Variants in MOK observed in about 807,000 individuals in gnomAD.
MOK encodes the protein MOK protein kinase.
Under a neutral mutation model 54.2 loss-of-function variants are expected in MOK, and 59 were observed. That is an observed-to-expected ratio of 1.09 (90% CI 0.88 to 1.35). The LOEUF (loss-of-function observed/expected upper bound fraction) is 1.35, where lower values mean the gene tolerates loss of function less well. Ranked by LOEUF, MOK falls within the 40% of genes most tolerant of loss-of-function variation. MOK has a pLI of 0.00. For missense variants in MOK, 517 were observed against 526.2 expected, an observed-to-expected ratio of 0.98 and a Z score of 0.17; for synonymous variants, 210 against 202.7, an observed-to-expected ratio of 1.04 and a Z score of -0.31.
chr14:102,296,021 C>A (rs1381868572), intron 1 of MOK, among the ~76,000 whole-genome samples: 3 of 151,856 alleles, frequency 2.0e-5, no homozygotes, highest in Non-Finnish European at 4.4e-5. Context: ...CAAGACGGGT[C>A]GATCACCTGA....
At chr14:102,303,432 A>G (rs1824143964) in intron 1 of MOK, among the ~76,000 whole-genome samples, 1 of 152,232 alleles carries the variant, frequency 6.6e-6, no homozygotes, top group African/African-American at 2.4e-5. Context: ...GAGGACAGCC[A>G]AATAAAAATG....
intron 7 of MOK, among the ~76,000 whole-genome samples, chr14:102,234,684 T>C (rs1472595815): frequency 6.6e-6 from 1 of 152,164 alleles, no homozygotes; most frequent in African/African-American, 2.4e-5. Context: ...CTGTATACTC[T>C]TGGCCTCCGT....
rs1367713545 is a variant in MOK at position 102,244,627 on chromosome 14, CCT to C, written c.590+6183_590+6184del. Among the ~76,000 whole-genome samples, 6 of 152,158 alleles carry C rather than the reference CCT, an allele frequency of 3.9e-5. No individual in the cohort carries two copies. The South Asian group carries it at 6.2e-4, about 16-fold the overall frequency. On this transcript the variant is annotated intron_variant, in intron 7 of 11. Transcript: ENST00000361847. ...TGGCAAATTGACTTTACTCACATGCCCTGAGTCAGGAAACTAAAATACGTCTC... is the reference window on the plus strand; with the variant it reads ...TGGCAAATTGACTTTACTCACATGCCGAGTCAGGAAACTAAAATACGTCTC...
chr14:102,263,881 T>C (rs1327153171), intron 3 of MOK: 1 of 300,170 alleles, frequency 3.3e-6, no homozygotes, highest in African/African-American at 2.2e-5. Context: ...TAATTAATTA[T>C]CAGCAGAAAG....
chr14:102,278,926 C>T (rs1440485807), intron 2 of MOK, among the ~76,000 whole-genome samples: 1 of 152,192 alleles, frequency 6.6e-6, no homozygotes, highest in Non-Finnish European at 1.5e-5. Context: ...TTACGGTGTG[C>T]CAGCACTGCA....
At chr14:102,269,235 G>A (rs2068156505) in intron 2 of MOK, among the ~76,000 whole-genome samples, 1 of 150,486 alleles carries the variant, frequency 6.6e-6, no homozygotes, top group Admixed American at 6.6e-5. Flanking sequence ...CATTCAGGCT[G>A]GAGTGCAGTG....
intron 4 of MOK, among the ~76,000 whole-genome samples, chr14:102,254,787 C>T (rs993123059): frequency 2.0e-5 from 3 of 152,236 alleles, no homozygotes; most frequent in African/African-American, 4.8e-5. Flanking sequence ...CCACCACCCC[C>T]TTCTTGTTTA....
At position 102,251,965 on chromosome 14, in the gene MOK, A is replaced by AT. The variant is rs753079987; in HGVS notation, c.313dup (p.Ile105AsnfsTer10). ...ACATAACTGGTACATATAGTGCATA[A>AT]TTTTTTTTTCTGATAATGGGTATCT... On this transcript the variant is annotated frameshift_variant, in exon 5 of 12. Transcript: ENST00000361847. LOFTEE classifies it high-confidence loss of function. 328 of 1,596,948 alleles carry AT rather than the reference A, an allele frequency of 2.1e-4. No homozygotes were observed. Among genetic ancestry groups the AT allele is most frequent in the East Asian group, 2.0e-3 (91 of 44,512 alleles).
chr14:102,279,877 G>A (rs530518533), intron 2 of MOK, among the ~76,000 whole-genome samples: 14 of 151,778 alleles, frequency 9.2e-5, no homozygotes, highest in African/African-American at 2.9e-4. Flanking sequence ...AAAGCCATCC[G>A]TTTCTATTTG....
intron 2 of MOK, among the ~76,000 whole-genome samples, chr14:102,266,852 CA>C: frequency 6.6e-6 from 1 of 152,150 alleles, no homozygotes; most frequent in Non-Finnish European, 1.5e-5. Context: ...AAAGTGCGGG[CA>C]TTACAGGTGT....
At chr14:102,261,903 G>GAA (rs1178530836) in intron 4 of MOK, among the ~76,000 whole-genome samples, 9 of 150,630 alleles carry the variant, frequency 6.0e-5, no homozygotes, top group Middle Eastern at 3.4e-3. Context: ...GAGTGCAGTG[G>GAA]CATGATCTTG....
intron 1 of MOK, among the ~76,000 whole-genome samples, chr14:102,304,493 A>C (rs1055526057): frequency 6.6e-6 from 1 of 152,228 alleles, no homozygotes; most frequent in Admixed American, 6.5e-5. Context: ...AAAATAAAGC[A>C]CACAGCCCAG....
chr14:102,294,616 CTCAAAAAGAAAAAAAAAAGAA>C (rs891760151), intron 1 of MOK, among the ~76,000 whole-genome samples: 1 of 150,882 alleles, frequency 6.6e-6, no homozygotes, highest in African/African-American at 2.4e-5. Context: ...GAGACCTTGT[CTCAAAAAGAAAAAAAAAAGAA>C]AATCAAAGGA....
At chr14:102,298,921 A>G (rs1226616343) in intron 1 of MOK, among the ~76,000 whole-genome samples, 3 of 152,050 alleles carry the variant, frequency 2.0e-5, no homozygotes, top group African/African-American at 4.8e-5. Context: ...GAGCGATAAC[A>G]CTCACCGCGA....
rs1355661147 is a variant in MOK at position 102,230,008 on chromosome 14, G to C, written c.982-351C>G. 3.7e-6 allele frequency: 1 copy of C among 273,604 alleles called. No homozygotes were observed. The highest frequency in any genetic ancestry group is 7.6e-5 in the East Asian group (1 of 13,158). 16.9% of individuals were successfully genotyped at this position (273,604 alleles called of 1,614,324 possible). On this transcript the variant is annotated intron_variant, in intron 10 of 11. Transcript: ENST00000361847. The surrounding 1 kb of genome is among the most constrained non-coding windows in gnomAD (Gnocchi z 4.1). The stretch of plus-strand genomic sequence containing the variant: ...TGTCGCCTGGTTTTGGGTGGCTTGT[G>C]AGCTAAGGATGGTTTTACATTTGGG...
intron 2 of MOK, among the ~76,000 whole-genome samples, chr14:102,270,822 G>T (rs985136369): frequency 2.0e-5 from 3 of 152,092 alleles, no homozygotes; most frequent in Admixed American, 2.0e-4. Flanking sequence ...GTTCTAAAAC[G>T]GAATTGTGGT....
chr14:102,236,089 C>G lies in MOK; in HGVS notation c.591-2300G>C, dbSNP rs767720449. ...AGTCCTTGTCCAGTGTGCCAGCAGA[C>G]AGGCCACTGGAAGTCCGACTGTCCT... On this transcript the variant is annotated intron_variant, in intron 7 of 11. Transcript: ENST00000361847. This position sits in a 1 kb window ranked among gnomAD's most constrained non-coding sequence, Gnocchi z 4.5. Among the ~76,000 whole-genome samples the G allele has an allele frequency of 6.6e-6, 1 of 152,214 alleles. No individual in the cohort carries two copies. The highest frequency in any genetic ancestry group is 1.5e-5 in the Non-Finnish European group (1 of 68,038).
intron 7 of MOK, among the ~76,000 whole-genome samples, chr14:102,244,844 T>G (rs1329158561): frequency 2.0e-5 from 3 of 152,156 alleles, no homozygotes; most frequent in African/African-American, 7.2e-5. Context: ...GCTCTTGGTA[T>G]TCAGTGGAAC....
chr14:102,248,694 T>C (rs899301668), intron 7 of MOK, among the ~76,000 whole-genome samples: 9 of 147,432 alleles, frequency 6.1e-5, no homozygotes, highest in African/African-American at 1.3e-4. Context: ...AGGAGAATGG[T>C]GTGAACCTGG....
Sources: gnomAD v4.1 joint callset for allele counts (sites outside exome capture counted in the v4.1 genomes callset) on GRCh38, gnomAD v4.1.1 for gene constraint, Gnocchi (gnomAD v3.1) non-coding constraint, MANE v1.5 for transcripts, NCBI Gene and HGNC (gene_info 2026-07-23, HGNC 2026-07-21) for gene names.